The following NMNAT3 variants were observed in gnomAD, a reference collection of about 807,000 sequenced individuals.
NMNAT3 encodes the protein nicotinamide/nicotinic acid mononucleotide adenylyltransferase 3.
A neutral mutation model predicts 24.8 loss-of-function variants in NMNAT3; 21 were observed. The ratio of observed to expected loss-of-function variants is 0.85; its 90% confidence interval spans 0.60 to 1.22. The LOEUF is 1.22. NMNAT3 is among the 50% of genes most tolerant of loss of function. NMNAT3 has a pLI of 0.00. For missense variants in NMNAT3, 387 were observed against 436.6 expected (o/e 0.89, Z 1.01); for synonymous variants, 136 against 155.2 (o/e 0.88, Z 0.92).
chr3:139,583,356 G>A (rs2053757267), intron 3 of NMNAT3: 2 of 1,494,340 alleles, frequency 1.3e-6, no homozygotes, highest in Non-Finnish European at 1.9e-6. Flanking sequence ...TGTTCAATAG[G>A]TACATTTTCA....
chr3:139,641,096 T>C (rs780155693), intron 1 of NMNAT3, among the ~76,000 whole-genome samples: 1 of 152,156 alleles, frequency 6.6e-6, no homozygotes, highest in Non-Finnish European at 1.5e-5. Context: ...TGCTTCAGAA[T>C]CCACAACTAC....
intron 3 of NMNAT3, among the ~76,000 whole-genome samples, chr3:139,617,201 A>G (rs1042315266): frequency 2.6e-5 from 4 of 151,862 alleles, no homozygotes; most frequent in African/African-American, 9.7e-5. Context: ...GGCATATGTC[A>G]CCTTGGTAAT....
At chr3:139,584,946 T>C (rs1202186125) in intron 3 of NMNAT3, among the ~76,000 whole-genome samples, 1 of 152,226 alleles carries the variant, frequency 6.6e-6, no homozygotes, top group Non-Finnish European at 1.5e-5. Context: ...TTTTTCTTTT[T>C]AGTACTTTCA....
chr3:139,628,994 G>C (rs2056174926), intron 2 of NMNAT3, among the ~76,000 whole-genome samples: 1 of 152,126 alleles, frequency 6.6e-6, no homozygotes, highest in South Asian at 2.1e-4. Context: ...GTGTGTCTGT[G>C]GTAGGCAGTG....
intron 1 of NMNAT3, among the ~76,000 whole-genome samples, chr3:139,639,739 G>T (rs1704204794): frequency 6.6e-6 from 1 of 152,164 alleles, no homozygotes; most frequent in Admixed American, 6.5e-5. Flanking sequence ...CATGTCTTCT[G>T]CCAGCATCCA....
intron 3 of NMNAT3, among the ~76,000 whole-genome samples, chr3:139,592,656 G>A (rs1223472457): frequency 6.6e-6 from 1 of 151,884 alleles, no homozygotes; most frequent in Non-Finnish European, 1.5e-5. Context: ...GAGAGTGGGG[G>A]CCAATATTCA....
chr3:139,661,809 T>C (rs1455016001), intron 1 of NMNAT3, among the ~76,000 whole-genome samples: 1 of 152,176 alleles, frequency 6.6e-6, no homozygotes, highest in African/African-American at 2.4e-5. Context: ...ATAAACACCA[T>C]GTTATTTTAC....
chr3:139,562,426 GC>G (rs763215830), intron 6 of NMNAT3, among the ~76,000 whole-genome samples: 12 of 152,196 alleles, frequency 7.9e-5, no homozygotes, highest in Non-Finnish European at 1.3e-4. Context: ...CTAGAAACAA[GC>G]TGCAGGGTCT....
chr3:139,670,677 C>T (rs1305357346), intron 1 of NMNAT3, among the ~76,000 whole-genome samples: 1 of 152,180 alleles, frequency 6.6e-6, no homozygotes, highest in Non-Finnish European at 1.5e-5. Flanking sequence ...ATATCCAGTT[C>T]CTGAGGTACT....
chr3:139,605,324 T>G (rs2054895002), intron 3 of NMNAT3, among the ~76,000 whole-genome samples: 1 of 152,232 alleles, frequency 6.6e-6, no homozygotes, highest in Non-Finnish European at 1.5e-5. Flanking sequence ...CATATGTATA[T>G]TCTACATATA....
chr3:139,594,106 G>A lies in NMNAT3; in HGVS notation c.110-10898C>T, dbSNP rs146691496. 5.2e-3 allele frequency among the ~76,000 whole-genome samples: 784 copies of A among 151,936 alleles called. 11 individuals are homozygous for A. The highest frequency in any genetic ancestry group is 0.017 in the African/African-American group (721 of 41,440). On this transcript the variant is annotated intron_variant, in intron 3 of 6. Transcript: ENST00000643695. Reference sequence around the variant, plus strand: ...AAAAAGAGAGAATAATCAAATAGACGCAATAAAAAATGATAAAGGGGATAT... The same window carrying A: ...AAAAAGAGAGAATAATCAAATAGACACAATAAAAAATGATAAAGGGGATAT...
intron 3 of NMNAT3, among the ~76,000 whole-genome samples, chr3:139,625,054 T>C (rs1177722855): frequency 6.6e-6 from 1 of 152,256 alleles, no homozygotes; most frequent in African/African-American, 2.4e-5. Context: ...GTATTACTTC[T>C]GCTTAAAGAA....
At chr3:139,566,503 A>G (rs1193509596) in intron 6 of NMNAT3, 4 of 151,886 alleles carry the variant, frequency 2.6e-5, no homozygotes, top group Non-Finnish European at 4.4e-5. Flanking sequence ...TAGGTCTAAC[A>G]TTTAAGTCTT....
At chr3:139,648,981 C>T (rs1405711792) in intron 1 of NMNAT3, among the ~76,000 whole-genome samples, 1 of 152,124 alleles carries the variant, frequency 6.6e-6, no homozygotes, top group Non-Finnish European at 1.5e-5. Flanking sequence ...TGGATGGGTA[C>T]ACATCAAATA....
chr3:139,571,881 T>C (rs546919311), intron 6 of NMNAT3, among the ~76,000 whole-genome samples: 1 of 152,176 alleles, frequency 6.6e-6, no homozygotes, highest in African/African-American at 2.4e-5. Flanking sequence ...CTCAGTGTGT[T>C]GTCCCTCCTG....
intron 3 of NMNAT3, among the ~76,000 whole-genome samples, chr3:139,618,829 T>C (rs2055629047): frequency 6.6e-6 from 1 of 152,142 alleles, no homozygotes; most frequent in African/African-American, 2.4e-5. Context: ...CAGTGGGTGA[T>C]GCCTGGCTGT....
intron 6 of NMNAT3, chr3:139,565,850 T>C (rs1236593459): frequency 6.6e-6 from 1 of 152,228 alleles, no homozygotes; most frequent in Non-Finnish European, 1.5e-5. Flanking sequence ...TATAGCAGCA[T>C]GATTTATAAT....
chr3:139,624,639 G>A lies in NMNAT3; in HGVS notation c.109+2977C>T, dbSNP rs532025369. ...GATTTTTGTATTCTTAGTAGAGACG[G>A]GGTTTCACCATGTTGGCCAGGCTGG... is the stretch of plus-strand genomic sequence containing the variant. On this transcript the variant is annotated intron_variant, in intron 3 of 6. Transcript: ENST00000643695. 4.6e-5 allele frequency among the ~76,000 whole-genome samples: 7 copies of A among 152,164 alleles called. No homozygotes were observed. In the South Asian group the frequency reaches 1.5e-3, roughly 32 times the overall value.
intron 3 of NMNAT3, among the ~76,000 whole-genome samples, chr3:139,592,863 T>C (rs1559885228): frequency 6.6e-6 from 1 of 152,042 alleles, no homozygotes; most frequent in Non-Finnish European, 1.5e-5. Flanking sequence ...CACTGCAAAA[T>C]CATGCCAAAA....
Sources: gnomAD v4.1 joint callset for allele counts (sites outside exome capture counted in the v4.1 genomes callset) on GRCh38, gnomAD v4.1.1 for gene constraint, MANE v1.5 for transcripts, NCBI Gene and HGNC (gene_info 2026-07-23, HGNC 2026-07-21) for gene names.